Variants in ANKIB1 observed in about 807,000 individuals in gnomAD.
ANKIB1 encodes the protein ankyrin repeat and IBR domain containing 1.
A neutral mutation model predicts 122.1 loss-of-function variants in ANKIB1; 43 were observed. The observed-to-expected ratio is 0.35, with a 90% CI of 0.28 to 0.45. The LOEUF (loss-of-function observed/expected upper bound fraction) is 0.45, where lower values mean the gene tolerates loss of function less well. Among genes scored for constraint, ANKIB1 ranks in the 20% least tolerant of loss-of-function variants. ANKIB1 has a pLI of 1.00. For missense variants in ANKIB1, 992 were observed against 1,329.5 expected (o/e 0.75, Z 3.95); for synonymous variants, 390 against 442.0 (o/e 0.88, Z 1.48).
chr7:92,383,827 G>A (rs1804574473), intron 11 of ANKIB1, among the ~76,000 whole-genome samples: 2 of 152,130 alleles, frequency 1.3e-5, no homozygotes, highest in African/African-American at 2.4e-5. Context: ...TTGAAAACTG[G>A]CACAAGACAG....
At chr7:92,340,622 G>C (rs1377857099) in intron 5 of ANKIB1, among the ~76,000 whole-genome samples, 1 of 152,152 alleles carries the variant, frequency 6.6e-6, no homozygotes, top group Non-Finnish European at 1.5e-5. Flanking sequence ...TCTAAGACAA[G>C]AAAGCTAAAG....
intron 6 of ANKIB1, among the ~76,000 whole-genome samples, chr7:92,344,463 G>A (rs895231225): frequency 1.9e-4 from 29 of 151,800 alleles, no homozygotes; most frequent in African/African-American, 6.0e-4. Flanking sequence ...CCTCGGCCTC[G>A]CAAAGTGCTG....
intron 1 of ANKIB1, among the ~76,000 whole-genome samples, chr7:92,265,282 A>C (rs1801649048): frequency 6.6e-6 from 1 of 152,196 alleles, no homozygotes; most frequent in African/African-American, 2.4e-5. Context: ...GAAGGACATG[A>C]TATTTGAGAC....
chr7:92,389,899 AT>A (rs770462518), intron 14 of ANKIB1, 71 bp from the exon 15 acceptor site: 4 of 1,452,048 alleles, frequency 2.8e-6, no homozygotes, highest in South Asian at 1.4e-5. Flanking sequence ...GAGAAAAAAA[AT>A]CATTGTTTAA....
intron 7 of ANKIB1, 95 bp from the exon 8 acceptor site, chr7:92,350,855 T>A: frequency 8.1e-7 from 1 of 1,233,318 alleles, no homozygotes; most frequent in African/African-American, 1.5e-5. Flanking sequence ...AGACCCTGTC[T>A]CTAAAAAAAA....
At chr7:92,274,745 G>C (rs562845456) in intron 1 of ANKIB1, among the ~76,000 whole-genome samples, 2 of 152,164 alleles carry the variant, frequency 1.3e-5, no homozygotes, top group South Asian at 4.2e-4. Context: ...CCAAGAGTTT[G>C]AGACCAGCTT....
At position 92,397,859 on chromosome 7, in the gene ANKIB1, G is replaced by C. The variant is rs774675727; in HGVS notation, c.2532G>C (p.Gln844His). 1 of 1,606,908 alleles carries C rather than the reference G, an allele frequency of 6.2e-7. No individual in the cohort carries two copies. Among genetic ancestry groups the C allele is most frequent in the African/African-American group, 1.3e-5 (1 of 74,480 alleles). ...ASRSENQDSL[Q>H]ALSSLDEDDP... ...GCTCTGAAAACCAGGACTCTCTTCAGGTAGCCTTTCTGAACAGCCTCATTG... is the reference window on the plus strand; with the variant it reads ...GCTCTGAAAACCAGGACTCTCTTCACGTAGCCTTTCTGAACAGCCTCATTG... The change falls in exon 19 of 20, where the codon CAG becomes CAC. Residue 844 changes from glutamine to histidine, a missense_variant and splice_region_variant. Coordinates refer to ENST00000265742, the MANE Select transcript of ANKIB1 (RefSeq NM_019004.2).
chr7:92,331,489 G>C (rs1258920792), intron 5 of ANKIB1, among the ~76,000 whole-genome samples: 1 of 151,936 alleles, frequency 6.6e-6, no homozygotes, highest in African/African-American at 2.4e-5. Context: ...GGCCAGGCTG[G>C]TCTGGAACTC....
Position 92,400,299 on chromosome 7 carries a change from G to A in ANKIB1, c.*1350G>A, listed in dbSNP as rs1051480863. 2 of 152,204 alleles carry A rather than the reference G, an allele frequency of 1.3e-5. No homozygotes were observed. Among genetic ancestry groups the A allele is most frequent in the Non-Finnish European group, 2.9e-5 (2 of 68,034 alleles). The allele number at this position is 152,204 out of a possible 1,614,324, so 9.4% of individuals were successfully genotyped here. On this transcript the variant is annotated 3_prime_UTR_variant, in exon 20 of 20. Coordinates refer to ENST00000265742, the MANE Select transcript of ANKIB1 (RefSeq NM_019004.2). Reference sequence around the variant, plus strand: ...TTCCTAGTTATCAGTGTCTTACTGTGAAGAAAATACTGGTCTTAGTTGTAA... The same window carrying A: ...TTCCTAGTTATCAGTGTCTTACTGTAAAGAAAATACTGGTCTTAGTTGTAA...
intron 4 of ANKIB1, among the ~76,000 whole-genome samples, chr7:92,325,110 A>G (rs1178563168): frequency 1.3e-5 from 2 of 152,216 alleles, no homozygotes; most frequent in African/African-American, 4.8e-5. Context: ...TATTAGACCT[A>G]GGTTGGGGTC....
rs1194475609 is a variant in ANKIB1 at position 92,399,665 on chromosome 7, A to C, written c.*716A>C. The C allele has an allele frequency of 6.6e-6, 1 of 152,238 alleles. No individual in the cohort carries two copies. The highest frequency in any genetic ancestry group is 1.9e-4 in the East Asian group (1 of 5,198). 9.4% of individuals were successfully genotyped at this position (152,238 alleles called of 1,614,324 possible). A position where few individuals can be genotyped will look rare whatever the true frequency, so the allele number is the denominator to read the frequency against. On this transcript the variant is annotated 3_prime_UTR_variant, in exon 20 of 20. Coordinates refer to ENST00000265742, the MANE Select transcript of ANKIB1 (RefSeq NM_019004.2). ...GGAGTAAAAGGTGCCACTTGGTAGC[A>C]ATGATATTCCAGAATTAAATGGGTT...
chr7:92,315,946 C>T (rs1802784591), intron 3 of ANKIB1, among the ~76,000 whole-genome samples: 1 of 151,980 alleles, frequency 6.6e-6, no homozygotes, highest in Non-Finnish European at 1.5e-5. Context: ...TCCAGAGTCA[C>T]CACCCATTTA....
intron 5 of ANKIB1, among the ~76,000 whole-genome samples, chr7:92,329,537 C>A (rs1015946797): frequency 2.6e-4 from 39 of 152,172 alleles, no homozygotes; most frequent in African/African-American, 8.7e-4. Context: ...ACCACCTAAA[C>A]AATAAAGATT....
intron 15 of ANKIB1, among the ~76,000 whole-genome samples, chr7:92,390,803 T>C (rs897459842): frequency 3.9e-5 from 6 of 152,214 alleles, no homozygotes; most frequent in African/African-American, 1.4e-4. Context: ...GCATCATGCA[T>C]TTGCTTGTAT....
chr7:92,365,986 G>T (rs374701632), intron 10 of ANKIB1, among the ~76,000 whole-genome samples: 1 of 151,076 alleles, frequency 6.6e-6, no homozygotes, highest in Non-Finnish European at 1.5e-5. Flanking sequence ...TAGTAGAGAC[G>T]GGGTTTCACC....
At chr7:92,328,261 T>A (rs1803069607) in intron 5 of ANKIB1, among the ~76,000 whole-genome samples, 2 of 152,192 alleles carry the variant, frequency 1.3e-5, no homozygotes, top group African/African-American at 4.8e-5. Context: ...GTCATTCAAG[T>A]ATAAAATTAT....
At chr7:92,250,604 G>A (rs1191574040) in intron 1 of ANKIB1, among the ~76,000 whole-genome samples, 1 of 152,144 alleles carries the variant, frequency 6.6e-6, no homozygotes, top group East Asian at 1.9e-4. Context: ...TCCAGGAAGG[G>A]TAGAGTATTG....
At chr7:92,258,210 A>G (rs1171341299) in intron 1 of ANKIB1, among the ~76,000 whole-genome samples, 1 of 152,248 alleles carries the variant, frequency 6.6e-6, no homozygotes, top group African/African-American at 2.4e-5. Flanking sequence ...TAACTACCCA[A>G]AAACTCTGAA....
chr7:92,261,676 G>A (rs1585076281), intron 1 of ANKIB1, among the ~76,000 whole-genome samples: 2 of 152,148 alleles, frequency 1.3e-5, no homozygotes, highest in East Asian at 3.9e-4. Flanking sequence ...TTGATTTTGA[G>A]GGTTTTGTTC....
Sources: allele counts gnomAD v4.1 joint callset (sites outside exome capture counted in the v4.1 genomes callset), GRCh38; gene constraint gnomAD v4.1.1; transcripts MANE v1.5; gene names NCBI Gene and HGNC (gene_info 2026-07-23, HGNC 2026-07-21).